DYM: variants seen among roughly 807,000 people sequenced by gnomAD.
The protein encoded by DYM is dyggve-Melchior-Clausen syndrome protein.
DYM carries 78 observed loss-of-function variants against 93.1 expected under a neutral mutation model. That is an observed-to-expected ratio of 0.84 (90% CI 0.70 to 1.01). The LOEUF is 1.01. DYM is among the 50% of genes least tolerant of loss of function. The pLI, the probability that DYM is intolerant of heterozygous loss-of-function variation, is 0.00. For missense variants in DYM, 789 were observed against 845.0 expected (o/e 0.93, Z 0.82); for synonymous variants, 321 against 319.7 (o/e 1.00, Z -0.04).
intron 3 of DYM, among the ~76,000 whole-genome samples, chr18:49,390,377 C>A (rs1245819355): frequency 6.6e-6 from 1 of 151,958 alleles, no homozygotes; most frequent in East Asian, 1.9e-4. Context: ...CTGCAGTGAG[C>A]CACAATGGCA....
At chr18:49,363,502 T>C (rs966288954) in intron 5 of DYM, among the ~76,000 whole-genome samples, 1 of 152,238 alleles carries the variant, frequency 6.6e-6, no homozygotes, top group African/African-American at 2.4e-5. Context: ...CGCCAGTAGT[T>C]GTCAGATTTC....
In DYM at chr18:49,042,591, G is replaced by C. The variant is rs1486070233; in HGVS notation, c.*1464C>G. The C allele has an allele frequency of 6.6e-6, 1 of 152,314 alleles. No homozygotes were observed. The highest frequency in any genetic ancestry group is 2.4e-5 in the African/African-American group (1 of 41,476). The allele number at this position is 152,314 out of a possible 1,614,324, so 9.4% of individuals were successfully genotyped here. A position where few individuals can be genotyped will look rare whatever the true frequency, so the allele number is the denominator to read the frequency against. On this transcript the variant is annotated 3_prime_UTR_variant, in exon 18 of 18. Transcript: ENST00000675505. ...CACGGGCCTGCAGCCCTGGGACACA[G>C]GACAGGAGAAGCCAGCCCTGACACA...
intron 6 of DYM, among the ~76,000 whole-genome samples, chr18:49,339,872 C>T (rs1425509671): frequency 5.3e-5 from 8 of 152,110 alleles, no homozygotes; most frequent in Admixed American, 1.3e-4. Flanking sequence ...CGGGTATAAC[C>T]GATGAATTAA....
At chr18:49,111,583 G>C (rs1365070282) in intron 16 of DYM, among the ~76,000 whole-genome samples, 1 of 152,192 alleles carries the variant, frequency 6.6e-6, no homozygotes, top group East Asian at 1.9e-4. Context: ...TTTTGCTGTT[G>C]CTGTGGCTAC....
intron 2 of DYM, among the ~76,000 whole-genome samples, chr18:49,420,207 G>T (rs949505795): frequency 3.0e-5 from 4 of 131,698 alleles, no homozygotes; most frequent in Non-Finnish European, 6.2e-5. Context: ...TGCTCTTGTC[G>T]CCCAGGCTGG....
intron 1 of DYM, among the ~76,000 whole-genome samples, chr18:49,445,555 A>G (rs1156351192): frequency 2.0e-5 from 3 of 152,192 alleles, no homozygotes; most frequent in Non-Finnish European, 4.4e-5. Flanking sequence ...AGGAGAAAAA[A>G]TAGAAAATTT....
At chr18:49,268,351 A>G (rs1223033184) in intron 11 of DYM, among the ~76,000 whole-genome samples, 2 of 152,224 alleles carry the variant, frequency 1.3e-5, no homozygotes. Flanking sequence ...AAGTGTTTCA[A>G]TATTTGAATT....
chr18:49,431,250 T>A (rs2080294781), intron 1 of DYM, among the ~76,000 whole-genome samples: 1 of 152,244 alleles, frequency 6.6e-6, no homozygotes, highest in African/African-American at 2.4e-5. Context: ...ATTTAATGTT[T>A]CTGTCATTCT....
chr18:49,200,245 A>T (rs887442339), intron 14 of DYM, among the ~76,000 whole-genome samples: 1 of 152,030 alleles, frequency 6.6e-6, no homozygotes, highest in South Asian at 2.1e-4. Flanking sequence ...AATTTGCATA[A>T]TTTTTTTAAT....
chr18:49,391,893 T>C (rs1009703758), intron 2 of DYM, among the ~76,000 whole-genome samples: 2 of 152,118 alleles, frequency 1.3e-5, no homozygotes, highest in Non-Finnish European at 2.9e-5. Flanking sequence ...CTTTCAGGCA[T>C]TAAGGCAGCA....
At chr18:49,295,105 T>A (rs1228860188) in intron 8 of DYM, among the ~76,000 whole-genome samples, 1 of 152,288 alleles carries the variant, frequency 6.6e-6, no homozygotes, top group Middle Eastern at 3.4e-3. Flanking sequence ...AACGACTGCA[T>A]ATAAACTGAT....
At chr18:49,310,139 C>A (rs938279099) in intron 8 of DYM, among the ~76,000 whole-genome samples, 1 of 152,130 alleles carries the variant, frequency 6.6e-6, no homozygotes, top group Non-Finnish European at 1.5e-5. Context: ...GTAGACACGT[C>A]AAGTGATTAA....
chr18:49,204,181 A>C (rs1198919296), intron 14 of DYM, among the ~76,000 whole-genome samples: 1 of 152,266 alleles, frequency 6.6e-6, no homozygotes, highest in Non-Finnish European at 1.5e-5. Context: ...TGATCCTGGC[A>C]AAGTATTAAC....
At chr18:49,220,711 G>A (rs1243532115) in intron 13 of DYM, among the ~76,000 whole-genome samples, 9 of 152,284 alleles carry the variant, frequency 5.9e-5, no homozygotes, top group African/African-American at 1.9e-4. Flanking sequence ...TATGGAGAAA[G>A]CTGAAACTGG....
intron 16 of DYM, among the ~76,000 whole-genome samples, chr18:49,104,757 A>C (rs976137888): frequency 1.3e-5 from 2 of 152,248 alleles, no homozygotes; most frequent in Non-Finnish European, 2.9e-5. Context: ...CTAGGGATGA[A>C]GCCCACTTGA....
chr18:49,251,918 T>C (rs2144986819), intron 13 of DYM, among the ~76,000 whole-genome samples: 1 of 152,100 alleles, frequency 6.6e-6, no homozygotes, highest in Non-Finnish European at 1.5e-5. Context: ...CACGCTGCTA[T>C]AAAGAACTGC....
At chr18:49,187,333 A>G (rs1056570207) in intron 14 of DYM, among the ~76,000 whole-genome samples, 11 of 152,218 alleles carry the variant, frequency 7.2e-5, no homozygotes, top group Non-Finnish European at 1.6e-4. Flanking sequence ...AATTCTGAGT[A>G]TCAACTCTGT....
At chr18:49,214,370 G>T (rs746691967) in intron 13 of DYM, among the ~76,000 whole-genome samples, 2 of 152,110 alleles carry the variant, frequency 1.3e-5, no homozygotes, top group Non-Finnish European at 2.9e-5. Context: ...GAGGTTGTAT[G>T]CTCCTCATGA....
intron 6 of DYM, among the ~76,000 whole-genome samples, chr18:49,343,411 G>A (rs2064319350): frequency 6.6e-6 from 1 of 152,162 alleles, no homozygotes; most frequent in Non-Finnish European, 1.5e-5. Flanking sequence ...CCATCAAACA[G>A]TAACAGGACT....
Sources: gnomAD v4.1 joint callset for allele counts (sites outside exome capture counted in the v4.1 genomes callset) on GRCh38, gnomAD v4.1.1 for gene constraint, MANE v1.5 for transcripts, NCBI Gene and HGNC (gene_info 2026-07-23, HGNC 2026-07-21) for gene names.